Variants in KAZN observed in about 807,000 individuals in gnomAD.
KAZN encodes kazrin, periplakin interacting protein.
KAZN carries 40 observed loss-of-function variants against 87.4 expected under a neutral mutation model. The ratio of observed to expected loss-of-function variants is 0.46; its 90% CI spans 0.36 to 0.60. The LOEUF is 0.60. Among genes scored for constraint, KAZN ranks in the 20% least tolerant of loss-of-function variants. The pLI, the probability that KAZN is intolerant of heterozygous loss-of-function variation, is 0.00. For missense variants in KAZN, 898 were observed against 1,073.9 expected, an observed-to-expected ratio of 0.84 and a Z score of 2.29; for synonymous variants, 466 against 458.3, an observed-to-expected ratio of 1.02 and a Z score of -0.22.
At chr1:14,425,218 G>A (rs1665655825) in intron 2 of KAZN, among the ~76,000 whole-genome samples, 1 of 152,162 alleles carries the variant, frequency 6.6e-6, no homozygotes, top group South Asian at 2.1e-4. Flanking sequence ...GCAATGCCTG[G>A]CTTTAGGGTC....
intron 2 of KAZN, among the ~76,000 whole-genome samples, chr1:14,412,424 A>G (rs1295062709): frequency 1.3e-5 from 2 of 152,218 alleles, no homozygotes; most frequent in Non-Finnish European, 2.9e-5. Context: ...ACAAACTGAT[A>G]AAACTGAGAA....
intron 2 of KAZN, among the ~76,000 whole-genome samples, chr1:14,306,703 C>T (rs1441139421): frequency 6.6e-6 from 1 of 152,134 alleles, no homozygotes; most frequent in Non-Finnish European, 1.5e-5. Flanking sequence ...GAATAATGAG[C>T]AGCCAATCGC....
intron 1 of KAZN, among the ~76,000 whole-genome samples, chr1:14,067,573 C>T (rs1279282655): frequency 6.6e-6 from 1 of 152,130 alleles, no homozygotes; most frequent in Non-Finnish European, 1.5e-5. Context: ...GTGCCTGGTG[C>T]CTCATGCTGC....
At chr1:14,779,750 C>T (rs1414071840) in intron 1 of KAZN, among the ~76,000 whole-genome samples, 1 of 152,220 alleles carries the variant, frequency 6.6e-6, no homozygotes, top group Non-Finnish European at 1.5e-5. Context: ...GTATTCTAAA[C>T]AACCCCATTA....
At chr1:14,780,927 C>G (rs1441861058) in intron 1 of KAZN, among the ~76,000 whole-genome samples, 1 of 152,154 alleles carries the variant, frequency 6.6e-6, no homozygotes, top group Non-Finnish European at 1.5e-5. Context: ...TGTTCGGAAA[C>G]AGCAAAATCC....
chr1:14,796,332 T>C (rs1404553274), intron 1 of KAZN, among the ~76,000 whole-genome samples: 3 of 152,098 alleles, frequency 2.0e-5, no homozygotes, highest in Admixed American at 2.0e-4. Flanking sequence ...TTCTCCAAAC[T>C]CAAGGCCCAT....
chr1:15,050,605 C>T (rs1213169825), intron 4 of KAZN, among the ~76,000 whole-genome samples: 2 of 152,164 alleles, frequency 1.3e-5, no homozygotes, highest in Non-Finnish European at 2.9e-5. Flanking sequence ...TCAGCTGCAA[C>T]GAAAGCAGTC....
chr1:14,212,482 G>GA (rs770629731), intron 2 of KAZN, among the ~76,000 whole-genome samples: 1,979 of 117,616 alleles, frequency 0.017, 20 homozygotes, highest in African/African-American at 0.044. Flanking sequence ...TTATAAGCCA[G>GA]AAAAAAAAAA....
In KAZN at chr1:14,835,058, T is replaced by C. The variant is rs114273424; in HGVS notation, c.227-125626T>C. 3.3e-3 allele frequency among the ~76,000 whole-genome samples: 500 copies of C among 152,348 alleles called. 6 individuals are homozygous for C. The highest frequency in any genetic ancestry group is 0.012 in the African/African-American group (491 of 41,586). On this transcript the variant is annotated intron_variant, in intron 1 of 14. Transcript: ENST00000376030. Reference sequence around the variant, plus strand: ...TTTTGGCAAGCAGGCTTTGAAACAGTTTGTCATAAGCAGATTGAGTGCATG... The same window carrying C: ...TTTTGGCAAGCAGGCTTTGAAACAGCTTGTCATAAGCAGATTGAGTGCATG...
intron 1 of KAZN, among the ~76,000 whole-genome samples, chr1:14,023,673 G>A (rs999231359): frequency 2.0e-5 from 3 of 152,068 alleles, no homozygotes; most frequent in East Asian, 1.9e-4. Flanking sequence ...ATCAAGGAAC[G>A]GTAAACAAAC....
intron 1 of KAZN, among the ~76,000 whole-genome samples, chr1:14,892,571 G>A (rs567745749): frequency 9.9e-5 from 15 of 152,268 alleles, no homozygotes; most frequent in South Asian, 8.3e-4. Context: ...GGTCTGCAAA[G>A]GACAGAGTGG....
At chr1:14,512,139 A>G (rs1371863139) in intron 2 of KAZN, among the ~76,000 whole-genome samples, 1 of 152,168 alleles carries the variant, frequency 6.6e-6, no homozygotes, top group Non-Finnish European at 1.5e-5. Flanking sequence ...CTAGGAATCC[A>G]CAGTAGACCA....
intron 1 of KAZN, among the ~76,000 whole-genome samples, chr1:13,980,261 TGAA>T (rs1292753512): frequency 5.3e-5 from 8 of 151,958 alleles, no homozygotes; most frequent in Non-Finnish European, 7.4e-5. Flanking sequence ...CAGAAAACAG[TGAA>T]GAAGTAGTTT....
At chr1:14,778,393 GA>G (rs34655175) in intron 1 of KAZN, among the ~76,000 whole-genome samples, 104,806 of 136,436 alleles carry the variant, frequency 0.77, 38,337 homozygotes, top group South Asian at 0.86. Flanking sequence ...TAACCCTTAA[GA>G]AAAAAAAAAA....
At chr1:15,012,692 C>T (rs911245483) in intron 2 of KAZN, among the ~76,000 whole-genome samples, 2 of 152,250 alleles carry the variant, frequency 1.3e-5, no homozygotes, top group South Asian at 2.1e-4. Context: ...GAGGCTGAGG[C>T]GGGTGGATCA....
chr1:13,955,144 G>A (rs1490594929), intron 1 of KAZN, among the ~76,000 whole-genome samples: 1 of 152,162 alleles, frequency 6.6e-6, no homozygotes, highest in East Asian at 1.9e-4. Flanking sequence ...CTCTTTGGGT[G>A]ACTGTATATG....
At chr1:15,110,828 C>T (rs926044637) in intron 13 of KAZN, among the ~76,000 whole-genome samples, 1 of 152,248 alleles carries the variant, frequency 6.6e-6, no homozygotes, top group African/African-American at 2.4e-5. Context: ...GACACACCCC[C>T]TCTTTGGTCT....
At chr1:14,217,447 T>TG (rs1267754961) in intron 2 of KAZN, among the ~76,000 whole-genome samples, 1 of 151,490 alleles carries the variant, frequency 6.6e-6, no homozygotes, top group Non-Finnish European at 1.5e-5. Flanking sequence ...TCACATGATG[T>TG]GGAAAAATAC....
chr1:13,931,398 C>A (rs1023633292), intron 1 of KAZN, among the ~76,000 whole-genome samples: 1 of 152,128 alleles, frequency 6.6e-6, no homozygotes, highest in African/African-American at 2.4e-5. Flanking sequence ...CCGGGTGTGA[C>A]TGCAGCAAAT....
Sources: gnomAD v4.1 joint callset for allele counts (sites outside exome capture counted in the v4.1 genomes callset) on GRCh38, gnomAD v4.1.1 for gene constraint, MANE v1.5 for transcripts, NCBI Gene and HGNC (gene_info 2026-07-23, HGNC 2026-07-21) for gene names.